The following GAREM1 variants were observed in gnomAD, a reference collection of about 807,000 sequenced individuals.
The protein encoded by GAREM1 is GRB2 associated regulator of MAPK1 subtype 1.
A neutral mutation model predicts 71.3 loss-of-function variants in GAREM1; 26 were observed. The ratio of observed to expected loss-of-function variants is 0.36; its 90% CI spans 0.27 to 0.51. GAREM1 has a LOEUF of 0.51. Among genes scored for constraint, GAREM1 ranks in the 20% least tolerant of loss-of-function variants. The probability of loss-of-function intolerance (pLI) is 0.95; values close to 1 mark genes in which losing one functional copy is unlikely to be tolerated. For missense variants in GAREM1, 1,026 were observed against 1,103.1 expected, an observed-to-expected ratio of 0.93 and a Z score of 0.99; for synonymous variants, 440 against 433.2, an observed-to-expected ratio of 1.02 and a Z score of -0.20.
At chr18:32,372,397 C>T (rs2047990159) in intron 2 of GAREM1, among the ~76,000 whole-genome samples, 1 of 152,166 alleles carries the variant, frequency 6.6e-6, no homozygotes, top group Non-Finnish European at 1.5e-5. Flanking sequence ...AACAACACAG[C>T]ACAGTCAGCC....
At chr18:32,429,639 A>G (rs2048604917) in intron 1 of GAREM1, among the ~76,000 whole-genome samples, 1 of 152,244 alleles carries the variant, frequency 6.6e-6, no homozygotes, top group Non-Finnish European at 1.5e-5. Context: ...AATTGAGAAA[A>G]GCCAGAAAGT....
intron 2 of GAREM1, among the ~76,000 whole-genome samples, chr18:32,335,524 CA>C (rs2047582293): frequency 1.3e-5 from 2 of 152,132 alleles, no homozygotes; most frequent in South Asian, 4.1e-4. Flanking sequence ...TGGGCTCCAG[CA>C]AAACACAAAC....
intron 2 of GAREM1, among the ~76,000 whole-genome samples, chr18:32,384,202 A>C (rs1008320632): frequency 1.3e-5 from 2 of 152,202 alleles, no homozygotes. Flanking sequence ...TTCCATAAGA[A>C]GCCATGAGCT....
chr18:32,287,368 C>A lies in GAREM1; in HGVS notation c.1229G>T (p.Gly410Val). ...ATGAGGAAAGGGAGCCCAATCTCCC[C>A]CCAGGTCCCTGCAACCATGAAGGTT... ...EVNLHGCRDLGGDWAPFPHDI... is the reference protein window; with the variant it reads ...EVNLHGCRDLVGDWAPFPHDI... Residue 410 changes from glycine (G) to valine (V), a missense_variant, in exon 4 of 6, where the codon GGG becomes GTG. Gly to Val is a moderately radical substitution (Grantham distance 109). Transcript: ENST00000269209. The surrounding 1 kb of genome is among the most constrained non-coding windows in gnomAD (Gnocchi z 5.9). 2 of 1,614,202 alleles carry A rather than the reference C, an allele frequency of 1.2e-6. No homozygotes were observed. Among genetic ancestry groups the A allele is most frequent in the Non-Finnish European group, 1.7e-6 (2 of 1,180,040 alleles).
At chr18:32,343,311 G>GTTTTTTTTTTTTTTTTTTTTTTT (rs35086441) in intron 2 of GAREM1, among the ~76,000 whole-genome samples, 1 of 118,870 alleles carries the variant, frequency 8.4e-6, no homozygotes, top group African/African-American at 3.4e-5. Flanking sequence ...CTCCCCCACT[G>GTTTTTTTTTTTTTTTTTTTTTTT]TTTTTTTTTT....
intron 1 of GAREM1, among the ~76,000 whole-genome samples, chr18:32,462,703 G>T (rs184339077): frequency 6.6e-6 from 1 of 152,268 alleles, no homozygotes; most frequent in East Asian, 1.9e-4. Context: ...GTCATAAAGT[G>T]TTTCTACTAT....
chr18:32,457,720 C>T (rs1040236661), intron 1 of GAREM1, among the ~76,000 whole-genome samples: 3 of 152,102 alleles, frequency 2.0e-5, no homozygotes, highest in Non-Finnish European at 4.4e-5. Context: ...ATAGAGTCCT[C>T]AGGTGCTAAA....
chr18:32,325,765 C>T (rs957781400), intron 2 of GAREM1, among the ~76,000 whole-genome samples: 1 of 152,282 alleles, frequency 6.6e-6, no homozygotes, highest in Non-Finnish European at 1.5e-5. Context: ...GGCTTTCCCT[C>T]GTATCATGCA....
intron 2 of GAREM1, among the ~76,000 whole-genome samples, chr18:32,380,265 C>T (rs2048082339): frequency 6.6e-6 from 1 of 152,046 alleles, no homozygotes; most frequent in African/African-American, 2.4e-5. Flanking sequence ...CACCTGAAGT[C>T]AGGAGTTCAA....
chr18:32,364,024 A>ATTTTTTTTT, intron 2 of GAREM1, among the ~76,000 whole-genome samples: 1 of 52,188 alleles, frequency 1.9e-5, no homozygotes, highest in Non-Finnish European at 3.1e-5. Context: ...ATATATATAT[A>ATTTTTTTTT]TATGTTTTTT....
At chr18:32,413,476 A>G (rs544505007) in intron 1 of GAREM1, among the ~76,000 whole-genome samples, 1 of 152,296 alleles carries the variant, frequency 6.6e-6, no homozygotes, top group South Asian at 2.1e-4. Flanking sequence ...AATGAAGATT[A>G]TTTTATTTTG....
chr18:32,470,252 C>A lies in GAREM1; in HGVS notation c.121+56G>T. ...ACCCTCTCCAGCACACGCGCGCACA[C>A]CCGCGTGGAGACGGCTGTCCTCGCC... On this transcript the variant is annotated intron_variant, in intron 1 of 5. Transcript: ENST00000269209. The surrounding 1 kb of genome is among the most constrained non-coding windows in gnomAD (Gnocchi z 4.4). The A allele has an allele frequency of 1.4e-6, 2 of 1,411,462 alleles. No individual in the cohort carries two copies. Among genetic ancestry groups the A allele is most frequent in the Non-Finnish European group, 9.3e-7 (1 of 1,073,734 alleles). The allele number at this position is 1,411,462 out of a possible 1,614,324, so 87.4% of individuals were successfully genotyped here. A position where few individuals can be genotyped will look rare whatever the true frequency, so the allele number is the denominator to read the frequency against.
chr18:32,298,129 G>C (rs1226963063), intron 3 of GAREM1, among the ~76,000 whole-genome samples: 1 of 152,164 alleles, frequency 6.6e-6, no homozygotes, highest in Admixed American at 6.5e-5. Flanking sequence ...TTTCGTGTAT[G>C]TGTGTACTTC....
At position 32,287,191 on chromosome 18, in the gene GAREM1, G is replaced by A. The variant is rs778485495; in HGVS notation, c.1406C>T (p.Thr469Ile). 24 of 1,614,126 alleles carry A rather than the reference G, an allele frequency of 1.5e-5. No homozygotes were observed. The highest frequency in any genetic ancestry group is 1.7e-5 in the Non-Finnish European group (20 of 1,180,048). Residue 469 changes from threonine to isoleucine, a missense_variant, in exon 4 of 6, where the codon ACT (threonine) becomes ATT (isoleucine). Around this residue, in one of 3 missense-constraint regions of GAREM1, gnomAD observed 636 missense variants for 631.2 expected, o/e 1.01. Coordinates refer to ENST00000269209, the MANE Select transcript of GAREM1 (RefSeq NM_001242409.2). This position sits in a 1 kb window ranked among gnomAD's most constrained non-coding sequence, Gnocchi z 5.9. The part of the protein sequence containing the change: ...EEGKPSHQPL[T>I]RSLSEKNRCD... ...TCTGTTCTTCTCGCTCAGAGAGCGA[G>A]TGAGAGGCTGATGGCTGGGCTTGCC... is the stretch of plus-strand genomic sequence containing the variant.
intron 2 of GAREM1, among the ~76,000 whole-genome samples, chr18:32,347,846 A>T (rs1383977783): frequency 6.6e-6 from 1 of 152,186 alleles, no homozygotes; most frequent in South Asian, 2.1e-4. Context: ...ATATCCTTTC[A>T]TGCCAGGTAA....
At chr18:32,354,364 A>G (rs1321733413) in intron 2 of GAREM1, among the ~76,000 whole-genome samples, 1 of 152,194 alleles carries the variant, frequency 6.6e-6, no homozygotes, top group African/African-American at 2.4e-5. Flanking sequence ...TGTCTGGCAC[A>G]TAGGTCAATA....
chr18:32,468,334 AATC>A (rs2049017426), intron 1 of GAREM1, among the ~76,000 whole-genome samples: 1 of 152,230 alleles, frequency 6.6e-6, no homozygotes, highest in Admixed American at 6.5e-5. Context: ...AGCTATTAAA[AATC>A]ATGTTGACAA....
At chr18:32,431,367 C>A (rs1054638030) in intron 1 of GAREM1, among the ~76,000 whole-genome samples, 3 of 152,156 alleles carry the variant, frequency 2.0e-5, no homozygotes, top group Non-Finnish European at 2.9e-5. Context: ...TGGTGGCTCA[C>A]GCCTGTAATC....
chr18:32,424,077 A>G (rs2144245227), intron 1 of GAREM1, among the ~76,000 whole-genome samples: 1 of 152,208 alleles, frequency 6.6e-6, no homozygotes, highest in African/African-American at 2.4e-5. Context: ...TAGAGGCTGC[A>G]GTGAACTGAG....
Sources: gnomAD v4.1 joint callset for allele counts (sites outside exome capture counted in the v4.1 genomes callset) on GRCh38, gnomAD v4.1.1 for gene constraint, gnomAD v4.1.1 regional missense constraint, Gnocchi (gnomAD v3.1) non-coding constraint, MANE v1.5 for transcripts, NCBI Gene and HGNC (gene_info 2026-07-23, HGNC 2026-07-21) for gene names.